Variants in THSD4 observed in about 807,000 individuals in gnomAD.
THSD4 encodes thrombospondin type-1 domain-containing protein 4.
Under a neutral mutation model 119.0 loss-of-function variants are expected in THSD4, and 69 were observed. The ratio of observed to expected loss-of-function variants is 0.58; its 90% CI spans 0.48 to 0.71. The LOEUF (loss-of-function observed/expected upper bound fraction) is 0.71, where lower values mean the gene tolerates loss of function less well. THSD4 is among the 30% of genes least tolerant of loss of function. The probability of loss-of-function intolerance (pLI) is 0.00; values close to 1 mark genes in which losing one functional copy is unlikely to be tolerated. For synonymous variants in THSD4, 524 were observed against 540.4 expected (o/e 0.97, Z 0.42); for missense variants, 1,393 against 1,391.1 (o/e 1.00, Z -0.02).
At chr15:71,722,407 A>G (rs1342814836) in intron 8 of THSD4, among the ~76,000 whole-genome samples, 1 of 152,218 alleles carries the variant, frequency 6.6e-6, no homozygotes, top group African/African-American at 2.4e-5. Context: ...GATTCAAGGT[A>G]CCAATTTTTA....
chr15:71,500,925 GTTC>G (rs767546035), intron 7 of THSD4, among the ~76,000 whole-genome samples: 3 of 152,160 alleles, frequency 2.0e-5, no homozygotes, highest in Non-Finnish European at 4.4e-5. Context: ...CTCCAGCTTT[GTTC>G]TTCTTTCTCA....
At chr15:71,699,826 G>A (rs1481605168) in intron 8 of THSD4, among the ~76,000 whole-genome samples, 6 of 151,936 alleles carry the variant, frequency 3.9e-5, no homozygotes, top group African/African-American at 7.3e-5. Flanking sequence ...TAAAAAGGTC[G>A]GTTCATTTTA....
chr15:71,411,214 G>C (rs72743812), intron 6 of THSD4, among the ~76,000 whole-genome samples: 8,327 of 152,254 alleles, frequency 0.055, 277 homozygotes, highest in Middle Eastern at 0.088. Context: ...GAGTCTTTGA[G>C]AATTCCTTTA....
At chr15:71,208,307 A>T (rs2043861277) in intron 3 of THSD4, among the ~76,000 whole-genome samples, 1 of 152,008 alleles carries the variant, frequency 6.6e-6, no homozygotes, top group African/African-American at 2.4e-5. Flanking sequence ...ATTAACCAAC[A>T]CTTCCATAGA....
At chr15:71,311,770 AAGAGC>A (rs1388667948) in intron 6 of THSD4, among the ~76,000 whole-genome samples, 2 of 152,154 alleles carry the variant, frequency 1.3e-5, no homozygotes, top group Non-Finnish European at 2.9e-5. Flanking sequence ...AGTCATCCTG[AAGAGC>A]GGCCTTTCTC....
intron 7 of THSD4, among the ~76,000 whole-genome samples, chr15:71,609,574 C>T (rs185803282): frequency 1.3e-3 from 198 of 152,232 alleles, no homozygotes; most frequent in African/African-American, 4.6e-3. Context: ...AACAACAGGC[C>T]GGGCGCAGTG....
At chr15:71,627,300 T>A (rs74022172) in intron 7 of THSD4, among the ~76,000 whole-genome samples, 1,873 of 152,324 alleles carry the variant, frequency 0.012, 44 homozygotes, top group African/African-American at 0.043. Flanking sequence ...GTGTAGTATG[T>A]CACCTCTCCG....
At chr15:71,567,065 G>A (rs2140892027) in intron 7 of THSD4, among the ~76,000 whole-genome samples, 1 of 152,288 alleles carries the variant, frequency 6.6e-6, no homozygotes, top group African/African-American at 2.4e-5. Flanking sequence ...AACGCTAAAA[G>A]TTAATTTATG....
intron 7 of THSD4, among the ~76,000 whole-genome samples, chr15:71,500,260 T>C (rs1170855346): frequency 6.6e-6 from 1 of 152,238 alleles, no homozygotes; most frequent in Non-Finnish European, 1.5e-5. Flanking sequence ...CATGCACCTA[T>C]TGGCCATTTG....
chr15:71,183,534 A>G (rs2043559495), intron 3 of THSD4, among the ~76,000 whole-genome samples: 1 of 151,692 alleles, frequency 6.6e-6, no homozygotes. Context: ...TGAGGATTGC[A>G]TGAGTTACAG....
intron 6 of THSD4, among the ~76,000 whole-genome samples, chr15:71,330,510 C>T (rs890726972): frequency 3.9e-5 from 6 of 152,254 alleles, no homozygotes; most frequent in East Asian, 1.9e-4. Flanking sequence ...GGGGAAGTTG[C>T]TTCGCCATTC....
chr15:71,668,597 G>A (rs759244248), intron 8 of THSD4, among the ~76,000 whole-genome samples: 6 of 152,120 alleles, frequency 3.9e-5, no homozygotes, highest in Admixed American at 1.3e-4. Flanking sequence ...GTCCAAATAC[G>A]GAAAGGAACT....
rs1221112392 is a variant in THSD4, at chr15:71,765,197, A to G, written c.2767A>G (p.Met923Val). 1.2e-6 allele frequency: 2 copies of G among 1,613,480 alleles called. No individual in the cohort carries two copies. The highest frequency in any genetic ancestry group is 1.7e-6 in the Non-Finnish European group (2 of 1,179,660). The change falls in exon 16 of 18, where the codon ATG (methionine) becomes GTG (valine). Residue 923 changes from methionine (M) to valine (V), a missense_variant and splice_region_variant. Coordinates refer to ENST00000261862, the MANE Select transcript of THSD4 (RefSeq NM_024817.3). The part of the protein sequence containing the change: ...GAKWFSTEWS[M>V]CSKSCQGGFR... ...CAAATGGTTTAGCACCGAATGGAGCATGGTAAGTCATGGTGCTCTTGATGG... is the reference window on the plus strand; with the variant it reads ...CAAATGGTTTAGCACCGAATGGAGCGTGGTAAGTCATGGTGCTCTTGATGG...
At chr15:71,303,956 T>C (rs1174862378) in intron 6 of THSD4, among the ~76,000 whole-genome samples, 2 of 152,180 alleles carry the variant, frequency 1.3e-5, no homozygotes, top group African/African-American at 4.8e-5. Context: ...TGCTTTTCTC[T>C]GGTCCACTCT....
chr15:71,141,435 G>A lies in THSD4; in HGVS notation c.-79-14G>A. ...AGTAAATGTTGCTAAAAATAACATT[G>A]TTCATTTCCATAGGACTTGAACGCA... On this transcript the variant is annotated splice_polypyrimidine_tract_variant and intron_variant, in intron 1 of 17. Coordinates refer to ENST00000261862, the MANE Select transcript of THSD4 (RefSeq NM_024817.3). The A allele has an allele frequency of 7.6e-7, 1 of 1,313,066 alleles. No homozygotes were observed. Among genetic ancestry groups the A allele is most frequent in the Non-Finnish European group, 1.0e-6 (1 of 957,562 alleles). 81.3% of individuals were successfully genotyped at this position (1,313,066 alleles called of 1,614,324 possible).
chr15:71,590,638 C>T (rs1199466963), intron 7 of THSD4, among the ~76,000 whole-genome samples: 1 of 151,508 alleles, frequency 6.6e-6, no homozygotes, highest in Non-Finnish European at 1.5e-5. Flanking sequence ...ATGATCTGTG[C>T]AGCAAACCAC....
rs1297502884 is a variant in THSD4 at position 71,383,985 on chromosome 15, A to G, written c.1016-27702A>G. On this transcript the variant is annotated intron_variant, in intron 6 of 17. Transcript: ENST00000261862. ...ATATTGAGGAATGACTGTATTTGAG[A>G]GACCAATTTAGTTCAATAGGTGGTC... Among the ~76,000 whole-genome samples the G allele has an allele frequency of 2.6e-5, 4 of 152,172 alleles. No homozygotes were observed. In the East Asian group the frequency reaches 7.7e-4, roughly 29 times the overall value.
intron 6 of THSD4, among the ~76,000 whole-genome samples, chr15:71,407,532 G>A (rs1443489379): frequency 1.3e-5 from 2 of 151,594 alleles, no homozygotes; most frequent in Non-Finnish European, 2.9e-5. Flanking sequence ...GTATTCGAGT[G>A]TAAACTTTTA....
At chr15:71,260,745 A>G (rs1047022940) in intron 6 of THSD4, among the ~76,000 whole-genome samples, 3 of 152,064 alleles carry the variant, frequency 2.0e-5, no homozygotes, top group African/African-American at 7.2e-5. Context: ...TTGCAATCAT[A>G]CTGGGAGGGA....
Sources: allele counts gnomAD v4.1 joint callset (sites outside exome capture counted in the v4.1 genomes callset), GRCh38; gene constraint gnomAD v4.1.1; transcripts MANE v1.5; gene names NCBI Gene and HGNC (gene_info 2026-07-23, HGNC 2026-07-21).